PRCP: variants seen among roughly 807,000 people sequenced by gnomAD.
PRCP encodes the protein prolylcarboxypeptidase, also known as lysosomal Pro-X carboxypeptidase.
Under a neutral mutation model 54.2 loss-of-function variants are expected in PRCP, and 46 were observed. The observed-to-expected ratio is 0.85, with a 90% CI of 0.67 to 1.09. PRCP has a LOEUF of 1.09. Among genes scored for constraint, PRCP ranks in the 50% least tolerant of loss-of-function variants. PRCP has a pLI of 0.00. For missense variants in PRCP, 613 were observed against 596.8 expected, an observed-to-expected ratio of 1.03 and a Z score of -0.28; for synonymous variants, 240 against 212.2, an observed-to-expected ratio of 1.13 and a Z score of -1.14.
At chr11:82,825,435 A>G (rs951449410) in intron 8 of PRCP, 4 of 292,690 alleles carry the variant, frequency 1.4e-5, no homozygotes, top group African/African-American at 6.7e-5. Flanking sequence ...TTCAAAAGTT[A>G]TATAATGCAA....
intron 1 of PRCP, among the ~76,000 whole-genome samples, chr11:82,860,423 A>C (rs982808695): frequency 1.3e-5 from 2 of 152,100 alleles, no homozygotes; most frequent in Non-Finnish European, 2.9e-5. Flanking sequence ...TGTAAATACA[A>C]TGTGAACCCT....
At chr11:82,891,435 A>T (rs1256698873) in intron 1 of PRCP, among the ~76,000 whole-genome samples, 2 of 152,194 alleles carry the variant, frequency 1.3e-5, no homozygotes, top group Non-Finnish European at 2.9e-5. Context: ...ACAATAGCCA[A>T]AGTGTTTCTT....
intron 1 of PRCP, among the ~76,000 whole-genome samples, chr11:82,881,646 G>A (rs143924437): frequency 1.3e-5 from 2 of 152,244 alleles, no homozygotes; most frequent in Admixed American, 1.3e-4. Context: ...GGAATTATAT[G>A]GTACAAACTG....
chr11:82,891,016 T>G (rs1168986978), intron 1 of PRCP, among the ~76,000 whole-genome samples: 2 of 152,238 alleles, frequency 1.3e-5, no homozygotes, highest in African/African-American at 4.8e-5. Flanking sequence ...TCCAATCTCA[T>G]GGTTTTACAT....
chr11:82,897,530 G>A (rs1281755380), intron 1 of PRCP, among the ~76,000 whole-genome samples: 1 of 152,232 alleles, frequency 6.6e-6, no homozygotes, highest in Non-Finnish European at 1.5e-5. Context: ...AAGATTCGCA[G>A]AAGAGGTGAG....
chr11:82,839,597 C>A, intron 6 of PRCP, 172 bp from the exon 7 acceptor site: 2 of 684,902 alleles, frequency 2.9e-6, no homozygotes, highest in Non-Finnish European at 4.8e-6. Context: ...AATGAATAAA[C>A]CTCTTCAATT....
At chr11:82,865,253 G>C (rs1472777408) in intron 1 of PRCP, among the ~76,000 whole-genome samples, 2 of 152,094 alleles carry the variant, frequency 1.3e-5, no homozygotes, top group African/African-American at 4.8e-5. Flanking sequence ...TATACTCCTT[G>C]CATTATAACA....
chr11:82,844,277 C>T (rs557797510), intron 6 of PRCP, among the ~76,000 whole-genome samples: 2 of 152,208 alleles, frequency 1.3e-5, no homozygotes, highest in East Asian at 3.9e-4. Flanking sequence ...AGTGGCAGAA[C>T]TGGGATTCAA....
rs538925860 is a variant in PRCP, at chr11:82,871,368, G to A, written c.169-11251C>T. ...TACTTTTTGTATTTTTAGTAGAGAC[G>A]GGGTTTTGCCATGTTGCCCAGGCTG... On this transcript the variant is annotated intron_variant, in intron 1 of 8. Transcript: ENST00000313010. Among the ~76,000 whole-genome samples the A allele has an allele frequency of 1.1e-4, 16 of 151,870 alleles. No homozygotes were observed. The East Asian group carries it at 1.6e-3, about 15-fold the overall frequency.
At chr11:82,892,062 G>A (rs565978545) in intron 1 of PRCP, among the ~76,000 whole-genome samples, 6 of 152,284 alleles carry the variant, frequency 3.9e-5, no homozygotes, top group African/African-American at 1.4e-4. Context: ...GTGAGAATAT[G>A]TACCTCACAG....
intron 1 of PRCP, among the ~76,000 whole-genome samples, chr11:82,871,162 G>A (rs1859471982): frequency 7.2e-6 from 1 of 138,520 alleles, no homozygotes; most frequent in African/African-American, 2.7e-5. Flanking sequence ...ATAGTCTATT[G>A]TTCTAAATGT....
chr11:82,894,201 G>T (rs1238671039), intron 1 of PRCP, among the ~76,000 whole-genome samples: 1 of 152,002 alleles, frequency 6.6e-6, no homozygotes, highest in East Asian at 1.9e-4. Flanking sequence ...TTCTGCAATA[G>T]ACCCACAACC....
chr11:82,853,632 C>A (rs1157749966), intron 2 of PRCP, among the ~76,000 whole-genome samples: 1 of 152,054 alleles, frequency 6.6e-6, no homozygotes, highest in Non-Finnish European at 1.5e-5. Flanking sequence ...TAAATAAGGA[C>A]GAGGGCCTCT....
At chr11:82,885,007 A>G (rs1591070892) in intron 1 of PRCP, 1 of 1,395,328 alleles carries the variant, frequency 7.2e-7, no homozygotes, top group African/African-American at 1.5e-5. Flanking sequence ...AAGAAAAAAT[A>G]TGATATAAAA....
intron 1 of PRCP, among the ~76,000 whole-genome samples, chr11:82,890,885 C>CA: frequency 6.6e-6 from 1 of 152,326 alleles, no homozygotes; most frequent in East Asian, 1.9e-4. Flanking sequence ...TTTCCTCCTC[C>CA]AACTGTTCCT....
intron 1 of PRCP, among the ~76,000 whole-genome samples, chr11:82,886,143 T>C (rs988629857): frequency 1.3e-5 from 2 of 152,238 alleles, no homozygotes; most frequent in South Asian, 2.1e-4. Flanking sequence ...AAGTTCTGTA[T>C]AATTGAAATC....
chr11:82,886,224 A>T (rs1263985483), intron 1 of PRCP, among the ~76,000 whole-genome samples: 1 of 152,214 alleles, frequency 6.6e-6, no homozygotes, highest in East Asian at 1.9e-4. Flanking sequence ...CTTATTCTTC[A>T]ACTTTATTAC....
intron 6 of PRCP, chr11:82,845,980 G>C (rs1057146572): frequency 6.6e-6 from 1 of 152,216 alleles, no homozygotes; most frequent in Non-Finnish European, 1.5e-5. Flanking sequence ...TAAAAGGAAC[G>C]ATACTTGAAT....
chr11:82,867,682 G>C (rs1859373305), intron 1 of PRCP, among the ~76,000 whole-genome samples: 1 of 152,148 alleles, frequency 6.6e-6, no homozygotes, highest in African/African-American at 2.4e-5. Context: ...ACCAGAGGGC[G>C]CCCTTATATA....
Sources: allele counts gnomAD v4.1 joint callset (sites outside exome capture counted in the v4.1 genomes callset), GRCh38; gene constraint gnomAD v4.1.1; transcripts MANE v1.5; gene names NCBI Gene and HGNC (gene_info 2026-07-23, HGNC 2026-07-21).